The following SLC1A2 variants were observed in gnomAD, a reference collection of about 807,000 sequenced individuals.
SLC1A2 encodes excitatory amino acid transporter 2.
SLC1A2 carries 15 observed loss-of-function variants against 48.8 expected under a neutral mutation model. That is an observed-to-expected ratio of 0.31 (90% CI 0.21 to 0.47). The LOEUF is 0.47. Among genes scored for constraint, SLC1A2 ranks in the 20% least tolerant of loss-of-function variants. The pLI, the probability that SLC1A2 is intolerant of heterozygous loss-of-function variation, is 0.99. For synonymous variants in SLC1A2, 279 were observed against 272.6 expected, an observed-to-expected ratio of 1.02 and a Z score of -0.23; for missense variants, 502 against 730.5, an observed-to-expected ratio of 0.69 and a Z score of 3.61.
At chr11:35,266,194 C>A (rs890912516) in intron 9 of SLC1A2, among the ~76,000 whole-genome samples, 1 of 152,208 alleles carries the variant, frequency 6.6e-6, no homozygotes, top group Non-Finnish European at 1.5e-5. Flanking sequence ...TACACTATCT[C>A]TGCTTATCTT....
intron 1 of SLC1A2, among the ~76,000 whole-genome samples, chr11:35,337,630 G>A (rs1019092060): frequency 2.0e-5 from 3 of 152,116 alleles, no homozygotes; most frequent in African/African-American, 7.2e-5. Context: ...GTACCAGTAG[G>A]TGTAAACAGA....
At chr11:35,267,707 A>G (rs1316347627) in intron 9 of SLC1A2, among the ~76,000 whole-genome samples, 1 of 152,076 alleles carries the variant, frequency 6.6e-6, no homozygotes, top group African/African-American at 2.4e-5. Context: ...CCTGGAATGT[A>G]TCCTGAGTCA....
intron 4 of SLC1A2, among the ~76,000 whole-genome samples, chr11:35,308,178 C>A (rs1404251061): frequency 6.6e-6 from 1 of 152,164 alleles, no homozygotes; most frequent in Admixed American, 6.5e-5. Flanking sequence ...CCAGCTGCTA[C>A]CTATTTTACA....
intron 1 of SLC1A2, among the ~76,000 whole-genome samples, chr11:35,385,046 G>C (rs1565293371): frequency 6.6e-6 from 1 of 152,182 alleles, no homozygotes; most frequent in Non-Finnish European, 1.5e-5. Flanking sequence ...AAAAATGTAT[G>C]CATATGCTGA....
chr11:35,302,343 A>T (rs3794090), intron 5 of SLC1A2, among the ~76,000 whole-genome samples: 63,392 of 151,868 alleles, frequency 0.42, 13,387 homozygotes, highest in South Asian at 0.56. Context: ...ATGCTTTTTT[A>T]ATTTTATTTA....
chr11:35,305,589 T>C (rs1416056315), intron 5 of SLC1A2, among the ~76,000 whole-genome samples: 4 of 152,172 alleles, frequency 2.6e-5, no homozygotes, highest in South Asian at 2.1e-4. Context: ...CAAGATAATC[T>C]GTAAAGCTCC....
At chr11:35,417,842 C>T (rs1456737567) in intron 1 of SLC1A2, among the ~76,000 whole-genome samples, 2 of 152,202 alleles carry the variant, frequency 1.3e-5, no homozygotes, top group African/African-American at 4.8e-5. Context: ...TGGATACCAG[C>T]TCTTCAGCCT....
Position 35,288,701 on chromosome 11 carries a change from G to A in SLC1A2, c.1092-1750C>T, listed in dbSNP as rs147598371. On this transcript the variant is annotated intron_variant, in intron 7 of 10. Transcript: ENST00000278379. Reference sequence around the variant, plus strand: ...GTCGACTGGGAAAAATGATTGGTAAGTATAAAAATATCCTCTATTTCTCTA... The same window carrying A: ...GTCGACTGGGAAAAATGATTGGTAAATATAAAAATATCCTCTATTTCTCTA... Among the ~76,000 whole-genome samples, 457 of 152,224 alleles carry A rather than the reference G, an allele frequency of 3.0e-3. 2 individuals carry two copies. The highest frequency in any genetic ancestry group is 0.011 in the African/African-American group (440 of 41,526).
chr11:35,300,312 T>C (rs927047474), intron 6 of SLC1A2, among the ~76,000 whole-genome samples: 2 of 152,212 alleles, frequency 1.3e-5, no homozygotes, highest in Non-Finnish European at 2.9e-5. Flanking sequence ...GTTTTTCCCA[T>C]TGAAAGTAAT....
intron 1 of SLC1A2, among the ~76,000 whole-genome samples, chr11:35,326,455 T>C (rs1852256400): frequency 6.6e-6 from 1 of 152,212 alleles, no homozygotes; most frequent in Non-Finnish European, 1.5e-5. Context: ...ACTGGGATGT[T>C]GACTAAGAGG....
At chr11:35,392,398 C>T (rs1253350519) in intron 1 of SLC1A2, 1 of 152,226 alleles carries the variant, frequency 6.6e-6, no homozygotes, top group Non-Finnish European at 1.5e-5. Context: ...AAAAGTAGGG[C>T]TGCAGCGCCC....
In SLC1A2 at chr11:35,301,588, G is replaced by A; in HGVS notation, c.788C>T (p.Ala263Val). The A allele has an allele frequency of 6.2e-7, 1 of 1,613,570 alleles. No individual in the cohort carries two copies. Among genetic ancestry groups the A allele is most frequent in the Non-Finnish European group, 8.5e-7 (1 of 1,179,562 alleles). The change falls in exon 6 of 11, where the codon GCC becomes GTC. Residue 263 changes from alanine to valine, a missense_variant. Physicochemically the swap from Ala to Val is moderately conservative, Grantham distance 64. This residue lies in a region of SLC1A2 where 309 missense variants were observed against 480.3 expected (regional missense o/e 0.64). Transcript: ENST00000278379. The stretch of plus-strand genomic sequence containing the variant: ...GTTGAAGAAATCCACCATCAGCTTG[G>A]CCTGATCTCCCATCTTCCCCATAGC... The part of the protein sequence containing the change: ...GIAMGKMGDQ[A>V]KLMVDFFNIL...
chr11:35,308,352 C>T (rs575975747), intron 4 of SLC1A2, among the ~76,000 whole-genome samples: 56 of 152,306 alleles, frequency 3.7e-4, no homozygotes, highest in Non-Finnish European at 3.5e-4. Context: ...GGAACACGAA[C>T]GCAGGCCGAG....
At chr11:35,312,572 C>T (rs1217710958) in intron 3 of SLC1A2, 124 bp from the exon 4 acceptor site, 13 of 1,126,246 alleles carry the variant, frequency 1.2e-5, no homozygotes, top group Middle Eastern at 3.0e-4. Context: ...AAATCTCCTA[C>T]TGTAGTCTTC....
At chr11:35,341,097 T>A (rs1852826073) in intron 1 of SLC1A2, among the ~76,000 whole-genome samples, 1 of 152,202 alleles carries the variant, frequency 6.6e-6, no homozygotes, top group African/African-American at 2.4e-5. Flanking sequence ...TTAAATGGTA[T>A]ATCAATATGC....
chr11:35,266,249 A>G (rs776680115), intron 9 of SLC1A2, among the ~76,000 whole-genome samples: 44 of 152,184 alleles, frequency 2.9e-4, no homozygotes, highest in Non-Finnish European at 5.6e-4. Flanking sequence ...GAACTTTCTC[A>G]TAGTAGAAAA....
At chr11:35,316,313 A>C (rs1441204151) in intron 2 of SLC1A2, 1 of 152,270 alleles carries the variant, frequency 6.6e-6, no homozygotes, top group African/African-American at 2.4e-5. Context: ...GAGTTCCAGG[A>C]ATGCAGGCTA....
chr11:35,406,358 G>T (rs978844196), intron 1 of SLC1A2, among the ~76,000 whole-genome samples: 2 of 152,126 alleles, frequency 1.3e-5, no homozygotes, highest in African/African-American at 4.8e-5. Flanking sequence ...ATATGTAAAA[G>T]TTGTAATTGA....
At chr11:35,362,702 A>G (rs777670617) in intron 1 of SLC1A2, among the ~76,000 whole-genome samples, 22 of 152,166 alleles carry the variant, frequency 1.4e-4, no homozygotes, top group Non-Finnish European at 3.1e-4. Flanking sequence ...CAAAACAACC[A>G]TTGACTTTAT....
Sources: gnomAD v4.1 joint callset for allele counts (sites outside exome capture counted in the v4.1 genomes callset) on GRCh38, gnomAD v4.1.1 for gene constraint, gnomAD v4.1.1 regional missense constraint, MANE v1.5 for transcripts, NCBI Gene and HGNC (gene_info 2026-07-23, HGNC 2026-07-21) for gene names.